Variants in BOLL observed in about 807,000 individuals in gnomAD.
BOLL encodes protein boule-like.
BOLL carries 23 observed loss-of-function variants against 44.4 expected under a neutral mutation model. That is an observed-to-expected ratio of 0.52 (90% CI 0.37 to 0.73). The LOEUF is 0.73. Among genes scored for constraint, BOLL ranks in the 30% least tolerant of loss-of-function variants. BOLL has a pLI of 0.00. For missense variants in BOLL, 287 were observed against 338.3 expected (o/e 0.85, Z 1.19); for synonymous variants, 97 against 110.8 (o/e 0.88, Z 0.78).
At chr2:197,742,577 C>T (rs1323154694) in intron 10 of BOLL, among the ~76,000 whole-genome samples, 1 of 151,930 alleles carries the variant, frequency 6.6e-6, no homozygotes, top group Admixed American at 6.6e-5. Flanking sequence ...AAAAACCAAA[C>T]ACCGCATGTT....
chr2:197,775,742 T>C lies in BOLL; in HGVS notation c.277-2A>G. 1 of 1,475,848 alleles carries C rather than the reference T, an allele frequency of 6.8e-7. No individual in the cohort carries two copies. Among genetic ancestry groups the C allele is most frequent in the Non-Finnish European group, 9.1e-7 (1 of 1,094,842 alleles). The allele number at this position is 1,475,848 out of a possible 1,614,324, so 91.4% of individuals were successfully genotyped here. A position where few individuals can be genotyped will look rare whatever the true frequency, so the allele number is the denominator to read the frequency against. On this transcript the variant is annotated splice_acceptor_variant, in intron 4 of 10. Coordinates refer to ENST00000392296, the MANE Select transcript of BOLL (RefSeq NM_033030.6). LOFTEE classifies it high-confidence loss of function. The stretch of plus-strand genomic sequence containing the variant: ...ATCCTTATAATTAAGTTTTTCAGCC[T>C]AAAATAAAGAAAAAAGAAATTATTT...
chr2:197,748,641 C>T (rs1688096385), intron 9 of BOLL, among the ~76,000 whole-genome samples: 2 of 152,204 alleles, frequency 1.3e-5, no homozygotes, highest in Admixed American at 1.3e-4. Context: ...GGGCAGAACC[C>T]ACCTCAGTAC....
intron 2 of BOLL, among the ~76,000 whole-genome samples, chr2:197,781,265 G>A (rs1689765959): frequency 6.6e-6 from 1 of 152,118 alleles, no homozygotes; most frequent in Non-Finnish European, 1.5e-5. Context: ...AAGAATAGAT[G>A]CCTAGGAGGT....
chr2:197,745,088 C>T (rs1268475870), intron 9 of BOLL, among the ~76,000 whole-genome samples: 1 of 152,180 alleles, frequency 6.6e-6, no homozygotes, highest in Non-Finnish European at 1.5e-5. Flanking sequence ...TTGGTTTTCA[C>T]AAATTGGTTC....
chr2:197,754,218 T>C (rs1688395358), intron 9 of BOLL, among the ~76,000 whole-genome samples: 1 of 152,172 alleles, frequency 6.6e-6, no homozygotes, highest in South Asian at 2.1e-4. Context: ...TAAACCCCCA[T>C]GGCACATGTA....
At chr2:197,782,940 A>C (rs1457968869) in intron 1 of BOLL, among the ~76,000 whole-genome samples, 1 of 152,132 alleles carries the variant, frequency 6.6e-6, no homozygotes, top group African/African-American at 2.4e-5. Flanking sequence ...TTTAAATTTT[A>C]ATAAATATAT....
chr2:197,778,675 A>C (rs547039535), intron 3 of BOLL, among the ~76,000 whole-genome samples: 1 of 151,894 alleles, frequency 6.6e-6, no homozygotes, highest in South Asian at 2.1e-4. Flanking sequence ...TTTGCTTCTC[A>C]TTCCTCAGCT....
At chr2:197,781,206 A>G (rs940119426) in intron 2 of BOLL, among the ~76,000 whole-genome samples, 2 of 152,022 alleles carry the variant, frequency 1.3e-5, no homozygotes, top group Non-Finnish European at 2.9e-5. Flanking sequence ...AGGACACAGG[A>G]CTTTTTTGGT....
intron 9 of BOLL, among the ~76,000 whole-genome samples, chr2:197,755,488 C>A (rs1451149964): frequency 6.6e-6 from 1 of 152,138 alleles, no homozygotes; most frequent in Non-Finnish European, 1.5e-5. Context: ...GACATGGAAT[C>A]AACACAAATG....
At chr2:197,737,188 C>A (rs1431853606) in intron 10 of BOLL, among the ~76,000 whole-genome samples, 1 of 152,064 alleles carries the variant, frequency 6.6e-6, no homozygotes, top group Non-Finnish European at 1.5e-5. Flanking sequence ...TACATACGTT[C>A]TTATACATAT....
intron 7 of BOLL, among the ~76,000 whole-genome samples, chr2:197,759,257 A>G (rs1481424538): frequency 6.6e-6 from 1 of 152,100 alleles, no homozygotes; most frequent in African/African-American, 2.4e-5. Flanking sequence ...CTCTTCTGCT[A>G]GGATTGGTTC....
Position 197,728,187 on chromosome 2 carries a change from A to C in BOLL, c.*368T>G, listed in dbSNP as rs1459052149. On this transcript the variant is annotated 3_prime_UTR_variant, in exon 11 of 11. Transcript: ENST00000392296. ...ATAAATATCAAATAATATGAAACAT[A>C]ACATCTAATTGTTTGATAAGAAAAA... is the stretch of plus-strand genomic sequence containing the variant. The C allele has an allele frequency of 2.8e-6, 1 of 351,576 alleles. No individual in the cohort carries two copies. The highest frequency in any genetic ancestry group is 4.4e-5 in the Admixed American group (1 of 22,846). 21.8% of individuals were successfully genotyped at this position (351,576 alleles called of 1,614,324 possible).
Position 197,767,083 on chromosome 2 carries a change from G to T in BOLL, c.481-480C>A, listed in dbSNP as rs116127463. Reference sequence around the variant, plus strand: ...TTGTTATACCTATAATTAAAGCAAAGATATTTTATTTTTATTTTAGTAATT... The same window carrying T: ...TTGTTATACCTATAATTAAAGCAAATATATTTTATTTTTATTTTAGTAATT... On this transcript the variant is annotated intron_variant, in intron 6 of 10. Transcript: ENST00000392296. Among the ~76,000 whole-genome samples, 749 of 151,996 alleles carry T rather than the reference G, an allele frequency of 4.9e-3. 2 individuals carry two copies. The highest frequency in any genetic ancestry group is 0.017 in the African/African-American group (709 of 41,486).
intron 9 of BOLL, among the ~76,000 whole-genome samples, chr2:197,751,247 C>T (rs1478296035): frequency 1.3e-5 from 2 of 151,826 alleles, no homozygotes; most frequent in East Asian, 1.9e-4. Context: ...ACTAGAGAAG[C>T]AAGATCAAAC....
intron 7 of BOLL, among the ~76,000 whole-genome samples, chr2:197,758,481 G>T (rs553479290): frequency 6.6e-6 from 1 of 152,192 alleles, no homozygotes; most frequent in Non-Finnish European, 1.5e-5. Flanking sequence ...AAACAGGTAA[G>T]TAGATTACTG....
intron 6 of BOLL, 56 bp downstream of exon 6, chr2:197,771,799 A>T (rs554000472): frequency 1.4e-5 from 20 of 1,445,134 alleles, no homozygotes. Flanking sequence ...AATATAACAA[A>T]CATTAAAAAA....
Position 197,728,737 on chromosome 2 carries a change from TTAGG to T in BOLL, c.829-163_829-160del, listed in dbSNP as rs930545894. Among the ~76,000 whole-genome samples the T allele has an allele frequency of 2.8e-4, 4 of 14,460 alleles. No individual in the cohort carries two copies. The African/African-American group carries it at 6.6e-3, about 24-fold the overall frequency. The allele number at this position is 14,460 out of a possible 152,430, so 9.5% of individuals were successfully genotyped here. On this transcript the variant is annotated intron_variant, in intron 10 of 10. Transcript: ENST00000392296. ...TGTTACAAAGTGAGAGGCTAGCAATTTAGGAGGGCTCCAGAACTCAGGAAAACCT... is the reference window on the plus strand; with the variant it reads ...TGTTACAAAGTGAGAGGCTAGCAATTAGGGCTCCAGAACTCAGGAAAACCT...
At chr2:197,777,693 T>C (rs1055123820) in intron 3 of BOLL, among the ~76,000 whole-genome samples, 1 of 151,866 alleles carries the variant, frequency 6.6e-6, no homozygotes, top group African/African-American at 2.4e-5. Flanking sequence ...ACAATTCATA[T>C]AATGTTGAAG....
At chr2:197,766,499 T>C (rs1172122221) in intron 7 of BOLL, 33 bp downstream of exon 7, 2 of 1,536,604 alleles carry the variant, frequency 1.3e-6, no homozygotes, top group Admixed American at 3.4e-5. Flanking sequence ...ACTGAAAGTT[T>C]CAGAGAGAAT....
Sources: gnomAD v4.1 joint callset for allele counts (sites outside exome capture counted in the v4.1 genomes callset) on GRCh38, gnomAD v4.1.1 for gene constraint, MANE v1.5 for transcripts, NCBI Gene and HGNC (gene_info 2026-07-23, HGNC 2026-07-21) for gene names.